The following TXNRD2 variants were observed in gnomAD, a reference collection of about 807,000 sequenced individuals.
TXNRD2 encodes the protein thioredoxin reductase 2, mitochondrial.
A neutral mutation model predicts 70.8 loss-of-function variants in TXNRD2; 67 were observed. That is an observed-to-expected ratio of 0.95 (90% CI 0.78 to 1.16). TXNRD2 has a LOEUF of 1.16. Ranked by LOEUF, TXNRD2 falls within the 50% of genes most tolerant of loss-of-function variation. TXNRD2 has a pLI of 0.00. For missense variants in TXNRD2, 644 were observed against 719.9 expected (o/e 0.89, Z 1.21); for synonymous variants, 301 against 295.8 (o/e 1.02, Z -0.18).
intron 11 of TXNRD2, chr22:19,894,699 A>G: frequency 5.1e-6 from 1 of 197,260 alleles, no homozygotes; most frequent in South Asian, 7.9e-5. Flanking sequence ...TAAAGAAAAA[A>G]TACATACTGG....
chr22:19,931,770 T>C (rs1941369006), intron 1 of TXNRD2, among the ~76,000 whole-genome samples: 1 of 152,098 alleles, frequency 6.6e-6, no homozygotes. Flanking sequence ...CCCAAGGTGC[T>C]AGAATTACAA....
Position 19,878,372 on chromosome 22 carries a change from A to C in TXNRD2, c.1341T>G (p.Tyr447Ter), listed in dbSNP as rs202059967. Residue 447 changes from tyrosine to a stop codon, truncating the protein, a stop_gained, in exon 15 of 18, where the codon TAT becomes TAG. Transcript: ENST00000400521. LOFTEE classifies it high-confidence loss of function. ...GGGCCACAGGGATGCTCACCTTTACATAACACTGGGATGCATCTCGTCCAG... is the reference window on the plus strand; with the variant it reads ...GGGCCACAGGGATGCTCACCTTTACCTAACACTGGGATGCATCTCGTCCAG... ...TVAGRDASQCYVKMVCLREPP... is the reference protein window; with the variant it reads ...TVAGRDASQC 2.9e-4 allele frequency: 461 copies of C among 1,613,726 alleles called. 2 individuals carry two copies. In the South Asian group the frequency reaches 3.4e-3, roughly 12 times the overall value.
chr22:19,909,859 CCA>C (rs1163706070), intron 8 of TXNRD2, among the ~76,000 whole-genome samples: 3 of 112,962 alleles, frequency 2.7e-5, no homozygotes, highest in Admixed American at 9.0e-5. Context: ...CACACACACA[CCA>C]CACACACACC....
intron 11 of TXNRD2, among the ~76,000 whole-genome samples, chr22:19,888,982 T>C (rs1295693099): frequency 6.6e-6 from 1 of 151,786 alleles, no homozygotes; most frequent in Non-Finnish European, 1.5e-5. Flanking sequence ...CCTGCCCTGC[T>C]GGCCTCAGGT....
chr22:19,904,946 T>C (rs1032099941), intron 8 of TXNRD2, among the ~76,000 whole-genome samples: 1 of 152,222 alleles, frequency 6.6e-6, no homozygotes, highest in African/African-American at 2.4e-5. Context: ...ACATGGGGAA[T>C]ATTTATAAGG....
At chr22:19,895,277 G>A in intron 11 of TXNRD2, 130 bp downstream of exon 11, 1 of 1,591,852 alleles carries the variant, frequency 6.3e-7, no homozygotes, top group Admixed American at 1.7e-5. Flanking sequence ...GAGGTGCACT[G>A]GGGAGCGGCC....
intron 17 of TXNRD2, 183 bp downstream of exon 17, chr22:19,876,857 T>C: frequency 2.4e-6 from 1 of 419,348 alleles, no homozygotes; most frequent in Non-Finnish European, 4.2e-6. Context: ...CGGGGAGGTT[T>C]GGGCCCCTGG....
chr22:19,891,369 G>A (rs988984434), intron 11 of TXNRD2: 5 of 152,306 alleles, frequency 3.3e-5, no homozygotes, highest in African/African-American at 1.2e-4. Context: ...CTGTGGTGCA[G>A]GGAGGGATAC....
chr22:19,907,286 G>A (rs1484328795), intron 8 of TXNRD2, among the ~76,000 whole-genome samples: 510 of 11,210 alleles, frequency 0.045, no homozygotes, highest in South Asian at 0.06. Context: ...CTCTCAGGAG[G>A]GTGTGGGCGC....
intron 1 of TXNRD2, among the ~76,000 whole-genome samples, chr22:19,933,760 G>A (rs186518064): frequency 6.6e-6 from 1 of 152,320 alleles, no homozygotes; most frequent in Non-Finnish European, 1.5e-5. Context: ...TTCTGTGGGA[G>A]GAAGGGCTGG....
intron 14 of TXNRD2, among the ~76,000 whole-genome samples, chr22:19,879,618 T>TG (rs1187843095): frequency 1.1e-3 from 21 of 19,678 alleles, no homozygotes; most frequent in Admixed American, 1.7e-3. Flanking sequence ...TGCAGGGTGG[T>TG]GGGGGGGGTG....
chr22:19,923,045 A>G lies in TXNRD2; in HGVS notation c.173-3446T>C, dbSNP rs140284075. Among the ~76,000 whole-genome samples the G allele has an allele frequency of 8.9e-4, 135 of 152,308 alleles. 1 individual carries two copies. The East Asian group carries it at 0.02, about 23-fold the overall frequency. ...CTTACCTGAAGTTTGAGTCTCCTTC[A>G]TAACATCCTCACCAAGTGTTCACCT... On this transcript the variant is annotated intron_variant, in intron 2 of 17. Transcript: ENST00000400521.
chr22:19,919,497 C>T, intron 3 of TXNRD2, 46 bp downstream of exon 3: 1 of 1,543,886 alleles, frequency 6.5e-7, no homozygotes, highest in Non-Finnish European at 8.8e-7. Flanking sequence ...GGCCCACCTC[C>T]CACCTCCTTC....
chr22:19,903,678 C>T (rs190967414), intron 8 of TXNRD2, among the ~76,000 whole-genome samples: 1 of 152,216 alleles, frequency 6.6e-6, no homozygotes, highest in African/African-American at 2.4e-5. Context: ...CTCTGGGCCT[C>T]GGGCTCCTCT....
At chr22:19,891,920 A>G (rs909455220) in intron 11 of TXNRD2, among the ~76,000 whole-genome samples, 2 of 152,266 alleles carry the variant, frequency 1.3e-5, no homozygotes, top group Non-Finnish European at 2.9e-5. Context: ...TGCAGGGCCC[A>G]CTTCGCAATG....
chr22:19,935,897 T>C (rs1261660955), intron 1 of TXNRD2, among the ~76,000 whole-genome samples: 7 of 152,148 alleles, frequency 4.6e-5, no homozygotes, highest in Admixed American at 3.3e-4. Flanking sequence ...TCCCCAACGA[T>C]TGGTGAGTTG....
At position 19,905,705 on chromosome 22, in the gene TXNRD2, AG is replaced by A. The variant is rs571500641; in HGVS notation, c.662+5671del. Among the ~76,000 whole-genome samples the A allele has an allele frequency of 2.6e-5, 4 of 152,196 alleles. No individual in the cohort carries two copies. The East Asian group carries it at 7.7e-4, about 29-fold the overall frequency. ...AGACAAAGCATCCTGCAGGGGCTGG[AG>A]GGGCATCCAGACTCCACCCAGAGAA... On this transcript the variant is annotated intron_variant, in intron 8 of 17. Coordinates refer to ENST00000400521, the MANE Select transcript of TXNRD2 (RefSeq NM_006440.5).
At chr22:19,879,028 T>C (rs1485871848) in intron 14 of TXNRD2, among the ~76,000 whole-genome samples, 2 of 152,272 alleles carry the variant, frequency 1.3e-5, no homozygotes, top group African/African-American at 4.8e-5. Flanking sequence ...TCAGAGAATA[T>C]TGTTCTAACT....
intron 8 of TXNRD2, among the ~76,000 whole-genome samples, chr22:19,906,258 G>A (rs1940008006): frequency 6.6e-6 from 1 of 152,164 alleles, no homozygotes; most frequent in African/African-American, 2.4e-5. Context: ...GGCTTTTCAG[G>A]TAAATGTGTG....
Sources: allele counts gnomAD v4.1 joint callset (sites outside exome capture counted in the v4.1 genomes callset), GRCh38; gene constraint gnomAD v4.1.1; transcripts MANE v1.5; gene names NCBI Gene and HGNC (gene_info 2026-07-23, HGNC 2026-07-21).